Variants in GNB5 observed in about 807,000 individuals in gnomAD.
GNB5 encodes the protein guanine nucleotide-binding protein subunit beta-5.
Under a neutral mutation model 55.3 loss-of-function variants are expected in GNB5, and 37 were observed. The observed-to-expected ratio is 0.67, with a 90% confidence interval of 0.51 to 0.88. The LOEUF is 0.88. GNB5 is among the 40% of genes least tolerant of loss of function. The pLI, the probability that GNB5 is intolerant of heterozygous loss-of-function variation, is 0.00. For synonymous variants in GNB5, 219 were observed against 198.5 expected, an observed-to-expected ratio of 1.10 and a Z score of -0.87; for missense variants, 476 against 515.3, an observed-to-expected ratio of 0.92 and a Z score of 0.74.
In GNB5 at chr15:52,158,750, C is replaced by T. The variant is rs577665253; in HGVS notation, c.239-4674G>A. ...GGTCTTTACCACGCACAAACCCTTA[C>T]GCCATTCAGATACAGCTCAAACTCT... On this transcript the variant is annotated intron_variant, in intron 3 of 12. Transcript: ENST00000261837. Among the ~76,000 whole-genome samples, 8 of 152,098 alleles carry T rather than the reference C, an allele frequency of 5.3e-5. No individual in the cohort carries two copies. The South Asian group carries it at 1.0e-3, about 20-fold the overall frequency.
chr15:52,145,091 T>C (rs552100375), intron 6 of GNB5, among the ~76,000 whole-genome samples: 1 of 152,292 alleles, frequency 6.6e-6, no homozygotes, highest in Admixed American at 6.5e-5. Context: ...AGGGGCAGTC[T>C]TGGAACTGTG....
chr15:52,133,496 TG>T, intron 8 of GNB5, 27 bp from the exon 9 acceptor site: 1 of 1,438,290 alleles, frequency 7.0e-7, no homozygotes, highest in Non-Finnish European at 9.8e-7. Flanking sequence ...GCCAGAGTTA[TG>T]GCCACTTTAA....
At chr15:52,151,864 C>T (rs1001340488) in intron 4 of GNB5, among the ~76,000 whole-genome samples, 3 of 151,754 alleles carry the variant, frequency 2.0e-5, no homozygotes, top group Non-Finnish European at 2.9e-5. Context: ...TCAGTGCTTT[C>T]AGAGGCTGAG....
In GNB5 at chr15:52,116,874, T is replaced by C. The variant is rs902322679; in HGVS notation, c.*5883A>G. Reference sequence around the variant, plus strand: ...GCCAAGGATAATTATTTCAAAACCATTATGTAATCCTCCTCATTTTTTCCT... The same window carrying C: ...GCCAAGGATAATTATTTCAAAACCACTATGTAATCCTCCTCATTTTTTCCT... On this transcript the variant is annotated 3_prime_UTR_variant, in exon 13 of 13. Coordinates refer to ENST00000261837, the MANE Select transcript of GNB5 (RefSeq NM_016194.4). 6.6e-6 allele frequency: 1 copy of C among 151,894 alleles called. No homozygotes were observed. The highest frequency in any genetic ancestry group is 1.5e-5 in the Non-Finnish European group (1 of 67,970). The allele number at this position is 151,894 out of a possible 1,614,324, so 9.4% of individuals were successfully genotyped here.
At chr15:52,130,718 G>A (rs2033552890) in intron 9 of GNB5, among the ~76,000 whole-genome samples, 1 of 152,234 alleles carries the variant, frequency 6.6e-6, no homozygotes, top group South Asian at 2.1e-4. Context: ...CTGGAAACCA[G>A]GGGGGCTTTC....
intron 7 of GNB5, chr15:52,137,288 G>A: frequency 3.5e-6 from 4 of 1,133,510 alleles, no homozygotes; most frequent in Non-Finnish European, 4.4e-6. Flanking sequence ...AGAAGTGCTG[G>A]GATCCAGGTG....
At chr15:52,166,397 C>G (rs1051717488) in intron 3 of GNB5, among the ~76,000 whole-genome samples, 6 of 152,214 alleles carry the variant, frequency 3.9e-5, no homozygotes, top group Admixed American at 3.9e-4. Context: ...TTCTTCTCAT[C>G]ACCACATGCC....
At chr15:52,161,470 G>A (rs554141049) in intron 3 of GNB5, among the ~76,000 whole-genome samples, 43 of 152,240 alleles carry the variant, frequency 2.8e-4, no homozygotes, top group African/African-American at 9.1e-4. Context: ...GCTAATTTTC[G>A]TATTTTTTTT....
intron 8 of GNB5, among the ~76,000 whole-genome samples, chr15:52,135,346 A>C (rs973237080): frequency 1.3e-5 from 2 of 152,164 alleles, no homozygotes; most frequent in Non-Finnish European, 2.9e-5. Flanking sequence ...AGAACATTCC[A>C]GATTACTCTA....
At chr15:52,180,178 GA>G (rs1352729569) in intron 2 of GNB5, 1 of 211,540 alleles carries the variant, frequency 4.7e-6, no homozygotes, top group African/African-American at 2.3e-5. Context: ...GATGCTGGGT[GA>G]TTTGCCCGAG....
chr15:52,155,036 T>C (rs554142997), intron 3 of GNB5, among the ~76,000 whole-genome samples: 8 of 152,304 alleles, frequency 5.3e-5, no homozygotes, highest in Non-Finnish European at 2.9e-5. Context: ...CCCTTCATCA[T>C]GCAGGGGAGG....
rs1339999797 is a variant in GNB5 at position 52,121,349 on chromosome 15, G to A, written c.*1408C>T. 6.6e-6 allele frequency: 1 copy of A among 152,132 alleles called. No individual in the cohort carries two copies. 9.4% of individuals were successfully genotyped at this position (152,132 alleles called of 1,614,324 possible). A position where few individuals can be genotyped will look rare whatever the true frequency, so the allele number is the denominator to read the frequency against. ...CTGAGGTGACCTTTTATTCCCCTAG[G>A]TGCATGCCATCTTTTTAAGTGAGAA... is the stretch of plus-strand genomic sequence containing the variant. On this transcript the variant is annotated 3_prime_UTR_variant, in exon 13 of 13. Coordinates refer to ENST00000261837, the MANE Select transcript of GNB5 (RefSeq NM_016194.4).
At chr15:52,164,628 A>AAAAT (rs765776384) in intron 3 of GNB5, among the ~76,000 whole-genome samples, 1 of 152,052 alleles carries the variant, frequency 6.6e-6, no homozygotes, top group South Asian at 2.1e-4. Flanking sequence ...ACTCCATCTC[A>AAAAT]AAATAAATAA....
At chr15:52,176,391 C>T (rs982709627) in intron 3 of GNB5, among the ~76,000 whole-genome samples, 1 of 152,248 alleles carries the variant, frequency 6.6e-6, no homozygotes, top group Non-Finnish European at 1.5e-5. Flanking sequence ...TTCCTTCATA[C>T]AGGGAAAAAT....
intron 9 of GNB5, among the ~76,000 whole-genome samples, chr15:52,130,487 TAC>T (rs2033547370): frequency 6.6e-6 from 1 of 152,246 alleles, no homozygotes; most frequent in African/African-American, 2.4e-5. Flanking sequence ...AATTTTAAGT[TAC>T]AGTGTTCCCT....
In GNB5 at chr15:52,155,140, C is replaced by A. The variant is rs190900122; in HGVS notation, c.239-1064G>T. 4.4e-3 allele frequency among the ~76,000 whole-genome samples: 671 copies of A among 152,298 alleles called. 4 individuals carry two copies. Among genetic ancestry groups the A allele is most frequent in the African/African-American group, 0.016 (658 of 41,558 alleles). Reference sequence around the variant, plus strand: ...GGAGAAGCCAGGGCTCTGAACTGTCCATCTACATCTCCTTCCTTGAAACCT... The same window carrying A: ...GGAGAAGCCAGGGCTCTGAACTGTCAATCTACATCTCCTTCCTTGAAACCT... On this transcript the variant is annotated intron_variant, in intron 3 of 12. Coordinates refer to ENST00000261837, the MANE Select transcript of GNB5 (RefSeq NM_016194.4).
intron 3 of GNB5, 72 bp downstream of exon 3, chr15:52,179,696 C>A (rs2034727884): frequency 1.1e-6 from 1 of 927,970 alleles, no homozygotes. Context: ...GCCCCCACCG[C>A]CCCCGCCGTC....
At chr15:52,149,517 C>T (rs549435953) in intron 5 of GNB5, 15 of 546,440 alleles carry the variant, frequency 2.7e-5, no homozygotes, top group African/African-American at 2.4e-4. Flanking sequence ...GCTATGGAGT[C>T]TGGTCAAAGA....
intron 1 of GNB5, among the ~76,000 whole-genome samples, chr15:52,188,489 T>C (rs1350842922): frequency 3.3e-5 from 5 of 152,246 alleles, no homozygotes; most frequent in Non-Finnish European, 5.9e-5. Flanking sequence ...TGATTACATT[T>C]CTGTATCTTG....
Sources: allele counts gnomAD v4.1 joint callset (sites outside exome capture counted in the v4.1 genomes callset), GRCh38; gene constraint gnomAD v4.1.1; transcripts MANE v1.5; gene names NCBI Gene and HGNC (gene_info 2026-07-23, HGNC 2026-07-21).